Variants in CCDC8 observed in about 807,000 individuals in gnomAD.
The protein encoded by CCDC8 is coiled-coil domain-containing protein 8.
CCDC8 carries 6 observed loss-of-function variants against 5.2 expected under a neutral mutation model. That is an observed-to-expected ratio of 1.16 (90% CI 0.63 to 2.28). The LOEUF is 2.28. Among genes scored for constraint, CCDC8 ranks in the 30% most tolerant of loss-of-function variants. CCDC8 has a pLI of 0.00. For missense variants in CCDC8, 724 were observed against 712.2 expected, an observed-to-expected ratio of 1.02 and a Z score of -0.19; for synonymous variants, 310 against 286.5, an observed-to-expected ratio of 1.08 and a Z score of -0.83.
chr19:46,411,514 G>C lies in CCDC8; in HGVS notation c.1297C>G (p.Arg433Gly). The stretch of plus-strand genomic sequence containing the variant: ...GCAGCCTCTGCCCTCTGGCCAGCCC[G>C]GGCCTGTGCCCTCTGATTATCTGCA... ...QGADNQRAQA[R>G]AGQRAEAAHN... Residue 433 changes from arginine (R) to glycine (G), a missense_variant, in exon 1 of 1, where the codon CGG becomes GGG. Arg to Gly is a moderately radical substitution (Grantham distance 125). Transcript: ENST00000307522. 6.2e-7 allele frequency: 1 copy of C among 1,607,436 alleles called. No homozygotes were observed. Among genetic ancestry groups the C allele is most frequent in the Non-Finnish European group, 8.5e-7 (1 of 1,177,544 alleles).
Position 46,412,387 on chromosome 19 carries a change from T to C in CCDC8, c.424A>G (p.Ser142Gly), listed in dbSNP as rs1344020818. Residue 142 changes from serine to glycine, a missense_variant, in exon 1 of 1, where the codon AGC becomes GGC. Coordinates refer to ENST00000307522, the MANE Select transcript of CCDC8 (RefSeq NM_032040.5). This position sits in a 1 kb window ranked among gnomAD's most constrained non-coding sequence, Gnocchi z 4.7. ...VSYLGSKFLG[S>G]DLESEDDEEL... ...TCATCATCCTCACTCTCCAGGTCGC[T>C]TCCCAGGAACTTGCTGCCCAGGTAG... 3.7e-6 allele frequency: 6 copies of C among 1,613,738 alleles called. No individual in the cohort carries two copies. The highest frequency in any genetic ancestry group is 5.1e-6 in the Non-Finnish European group (6 of 1,179,986).
rs201648048 is a variant in CCDC8 at position 46,411,155 on chromosome 19, C to G, written c.*39G>C. ...AGGCAGAGCATCTCTCCCTCCCACACTTGGAGGGAGGGCCCGTGGGCTGTC... is the reference window on the plus strand; with the variant it reads ...AGGCAGAGCATCTCTCCCTCCCACAGTTGGAGGGAGGGCCCGTGGGCTGTC... On this transcript the variant is annotated 3_prime_UTR_variant, in exon 1 of 1. Coordinates refer to ENST00000307522, the MANE Select transcript of CCDC8 (RefSeq NM_032040.5). 1.2e-6 allele frequency: 2 copies of G among 1,610,854 alleles called. No homozygotes were observed. Among genetic ancestry groups the G allele is most frequent in the Non-Finnish European group, 1.7e-6 (2 of 1,178,152 alleles).
rs145184332 is a variant in CCDC8, at chr19:46,411,935, C to A, written c.876G>T (p.Glu292Asp). 2.8e-4 allele frequency: 449 copies of A among 1,611,342 alleles called. No individual in the cohort carries two copies. The African/African-American group carries it at 5.2e-3, about 19-fold the overall frequency. ...TAPTGQGADIEADQGGEAADS... is the reference protein window; with the variant it reads ...TAPTGQGADIDADQGGEAADS... ...CTGCAGCCTCTCCCCCCTGATCAGC[C>A]TCGATGTCTGCCCCCTGACCTGTGG... The change falls in exon 1 of 1, where the codon GAG becomes GAT. Residue 292 changes from glutamate (E) to aspartate (D), a missense_variant. Coordinates refer to ENST00000307522, the MANE Select transcript of CCDC8 (RefSeq NM_032040.5).
chr19:46,410,744 A>G lies in CCDC8; in HGVS notation c.*450T>C, dbSNP rs149533731. The G allele has an allele frequency of 5.3e-4, 83 of 155,462 alleles. No homozygotes were observed. In the East Asian group the frequency reaches 0.014, roughly 25 times the overall value. The allele number at this position is 155,462 out of a possible 1,614,324, so 9.6% of individuals were successfully genotyped here. On this transcript the variant is annotated 3_prime_UTR_variant, in exon 1 of 1. Transcript: ENST00000307522. ...TCCCCTGCCCTCCCTCTCTCCCTTTATCAAGCTGAGCACCTTGAGTTGCAT... is the reference window on the plus strand; with the variant it reads ...TCCCCTGCCCTCCCTCTCTCCCTTTGTCAAGCTGAGCACCTTGAGTTGCAT...
In CCDC8 at chr19:46,413,000, G is replaced by C. The variant is rs1395501325; in HGVS notation, c.-190C>G. 1 of 717,564 alleles carries C rather than the reference G, an allele frequency of 1.4e-6. No homozygotes were observed. Among genetic ancestry groups the C allele is most frequent in the East Asian group, 2.7e-5 (1 of 36,930 alleles). 44.4% of individuals were successfully genotyped at this position (717,564 alleles called of 1,614,324 possible). A position where few individuals can be genotyped will look rare whatever the true frequency, so the allele number is the denominator to read the frequency against. On this transcript the variant is annotated 5_prime_UTR_variant, in exon 1 of 1. Coordinates refer to ENST00000307522, the MANE Select transcript of CCDC8 (RefSeq NM_032040.5). This position sits in a 1 kb window ranked among gnomAD's most constrained non-coding sequence, Gnocchi z 4.7. Reference sequence around the variant, plus strand: ...ACCAGCCCCCCACGTGGCTTTTCTCGAGAGTCTTTAAGATCTCCAGGGTGA... The same window carrying C: ...ACCAGCCCCCCACGTGGCTTTTCTCCAGAGTCTTTAAGATCTCCAGGGTGA...
chr19:46,410,897 CTGT>C lies in CCDC8; in HGVS notation c.*294_*296del. 2.7e-6 allele frequency: 1 copy of C among 369,052 alleles called. No individual in the cohort carries two copies. Among genetic ancestry groups the C allele is most frequent in the Non-Finnish European group, 5.0e-6 (1 of 200,724 alleles). 22.9% of individuals were successfully genotyped at this position (369,052 alleles called of 1,614,324 possible). A position where few individuals can be genotyped will look rare whatever the true frequency, so the allele number is the denominator to read the frequency against. ...AGATGGTGTGTGTGGTGGCTCACAT[CTGT>C]AATCCCAGCATTTTGGGAGGCCGAG... On this transcript the variant is annotated 3_prime_UTR_variant, in exon 1 of 1. Coordinates refer to ENST00000307522, the MANE Select transcript of CCDC8 (RefSeq NM_032040.5).
At position 46,411,698 on chromosome 19, in the gene CCDC8, G is replaced by A; in HGVS notation, c.1113C>T (p.Ala371=). The change falls in exon 1 of 1, where the codon GCC becomes GCT. Residue 371 remains alanine, a synonymous_variant. Coordinates refer to ENST00000307522, the MANE Select transcript of CCDC8 (RefSeq NM_032040.5). ...TGCCCTGTGACCTCTGGTCAGCTGG[G>A]GCCTCTGCCCTCTGATTATCTGCAG... The part of the protein sequence containing the change: ...EEAADNQRAE[A]PADQRSQGTD... 5.7e-6 allele frequency: 9 copies of A among 1,586,464 alleles called. No individual in the cohort carries two copies. Among genetic ancestry groups the A allele is most frequent in the Non-Finnish European group, 7.7e-6 (9 of 1,163,160 alleles).
chr19:46,411,202 G>T lies in CCDC8; in HGVS notation c.1609C>A (p.Gln537Lys), dbSNP rs144181069. ...AEAEQGEQED[Q>K]L ...TGTCTCTAGCCCTCACCTCACAGCTGGTCTTCTTGCTCTCCCTGCTCAGCT... is the reference window on the plus strand; with the variant it reads ...TGTCTCTAGCCCTCACCTCACAGCTTGTCTTCTTGCTCTCCCTGCTCAGCT... The change falls in exon 1 of 1, where the codon CAG becomes AAG. Residue 537 changes from glutamine to lysine, a missense_variant. Physicochemically the swap from Gln to Lys is moderately conservative, Grantham distance 53. Transcript: ENST00000307522. 1.9e-6 allele frequency: 3 copies of T among 1,614,038 alleles called. No homozygotes were observed. The highest frequency in any genetic ancestry group is 1.7e-6 in the Non-Finnish European group (2 of 1,180,016).
At position 46,410,855 on chromosome 19, in the gene CCDC8, A is replaced by ATT. The variant is rs35842698; in HGVS notation, c.*337_*338dup. Reference sequence around the variant, plus strand: ...TTTTGGGTTGCTACAAGGAATCAGTATTTTTTTTTTTTAATCAGATGGTGT... The same window carrying ATT: ...TTTTGGGTTGCTACAAGGAATCAGTATTTTTTTTTTTTTTAATCAGATGGTGT... On this transcript the variant is annotated 3_prime_UTR_variant, in exon 1 of 1. Coordinates refer to ENST00000307522, the MANE Select transcript of CCDC8 (RefSeq NM_032040.5). 136 of 193,754 alleles carry ATT rather than the reference A, an allele frequency of 7.0e-4. No homozygotes were observed. The highest frequency in any genetic ancestry group is 2.1e-3 in the Middle Eastern group (1 of 482). 12.0% of individuals were successfully genotyped at this position (193,754 alleles called of 1,614,324 possible). A position where few individuals can be genotyped will look rare whatever the true frequency, so the allele number is the denominator to read the frequency against.
rs369474880 is a variant in CCDC8 at position 46,412,646 on chromosome 19, C to T, written c.165G>A (p.Val55=). 3.4e-5 allele frequency: 55 copies of T among 1,606,754 alleles called. No homozygotes were observed. In the Middle Eastern group the frequency reaches 4.9e-4, roughly 14 times the overall value. ...LEEEGRTLED[V]ARIMEKSTPH... ...GGGTGCTCTTCTCCATGATGCGGGCCACGTCCTCCAGGGTGCGGCCCTCTT... is the reference window on the plus strand; with the variant it reads ...GGGTGCTCTTCTCCATGATGCGGGCTACGTCCTCCAGGGTGCGGCCCTCTT... The change falls in exon 1 of 1, where the codon GTG becomes GTA. Residue 55 remains valine, a synonymous_variant. Transcript: ENST00000307522. This position sits in a 1 kb window ranked among gnomAD's most constrained non-coding sequence, Gnocchi z 4.7.
In CCDC8 at chr19:46,412,933, AAAG is replaced by A; in HGVS notation, c.-126_-124del. On this transcript the variant is annotated 5_prime_UTR_variant, in exon 1 of 1. Coordinates refer to ENST00000307522, the MANE Select transcript of CCDC8 (RefSeq NM_032040.5). The surrounding 1 kb of genome is among the most constrained non-coding windows in gnomAD (Gnocchi z 4.7). Reference sequence around the variant, plus strand: ...TCTTTGCAGACATCGGGGACGCTCCAAAGAATGAGGCAGTCGGGGGACGGCAGG... The same window carrying A: ...TCTTTGCAGACATCGGGGACGCTCCAAATGAGGCAGTCGGGGGACGGCAGG... 3 of 1,351,814 alleles carry A rather than the reference AAAG, an allele frequency of 2.2e-6. No homozygotes were observed. Among genetic ancestry groups the A allele is most frequent in the Non-Finnish European group, 3.1e-6 (3 of 967,710 alleles). The allele number at this position is 1,351,814 out of a possible 1,614,324, so 83.7% of individuals were successfully genotyped here. A position where few individuals can be genotyped will look rare whatever the true frequency, so the allele number is the denominator to read the frequency against.
At position 46,411,471 on chromosome 19, in the gene CCDC8, C is replaced by G. The variant is rs1266020341; in HGVS notation, c.1340G>C (p.Gly447Ala). The change falls in exon 1 of 1, where the codon GGG becomes GCG. Residue 447 changes from glycine to alanine, a missense_variant. Physicochemically the swap from Gly to Ala is moderately conservative, Grantham distance 60 (BLOSUM62 0). Transcript: ENST00000307522. Reference sequence around the variant, plus strand: ...TTCAGCTTCCTGGATACCTGGGGCCCCTGCCCTCTGATTATGTGCAGCCTC... The same window carrying G: ...TTCAGCTTCCTGGATACCTGGGGCCGCTGCCCTCTGATTATGTGCAGCCTC... The part of the protein sequence containing the change: ...RAEAAHNQRA[G>A]APGIQEAEVS... 13 of 1,614,046 alleles carry G rather than the reference C, an allele frequency of 8.1e-6. No homozygotes were observed. Among genetic ancestry groups the G allele is most frequent in the Non-Finnish European group, 1.1e-5 (13 of 1,180,020 alleles).
Position 46,412,955 on chromosome 19 carries a change from C to CG in CCDC8, c.-146dup. 1 of 1,112,090 alleles carries CG rather than the reference C, an allele frequency of 9.0e-7. No individual in the cohort carries two copies. Among genetic ancestry groups the CG allele is most frequent in the Non-Finnish European group, 1.3e-6 (1 of 755,080 alleles). The allele number at this position is 1,112,090 out of a possible 1,614,324, so 68.9% of individuals were successfully genotyped here. A position where few individuals can be genotyped will look rare whatever the true frequency, so the allele number is the denominator to read the frequency against. ...TCCAAAGAATGAGGCAGTCGGGGGA[C>CG]GGCAGGAAGCCCCAGGGGAACCAGC... On this transcript the variant is annotated 5_prime_UTR_variant, in exon 1 of 1. Transcript: ENST00000307522. The surrounding 1 kb of genome is among the most constrained non-coding windows in gnomAD (Gnocchi z 4.7).
At position 46,411,960 on chromosome 19, in the gene CCDC8, G is replaced by A. The variant is rs1183347116; in HGVS notation, c.851C>T (p.Pro284Leu). 1.8e-5 allele frequency: 29 copies of A among 1,610,116 alleles called. No individual in the cohort carries two copies. The highest frequency in any genetic ancestry group is 2.5e-5 in the Non-Finnish European group (29 of 1,179,560). ...CTCGATGTCTGCCCCCTGACCTGTG[G>A]GTGCTGTCTGCTCCTTCCTGCGGCG... ...FRRRRKEQTA[P>L]TGQGADIEAD... Residue 284 changes from proline (P) to leucine (L), a missense_variant, in exon 1 of 1, where the codon CCC (proline) becomes CTC (leucine). Transcript: ENST00000307522.
Position 46,412,568 on chromosome 19 carries a change from T to C in CCDC8, c.243A>G (p.Arg81=), listed in dbSNP as rs1894996890. 5.0e-6 allele frequency: 8 copies of C among 1,605,464 alleles called. No homozygotes were observed. The highest frequency in any genetic ancestry group is 5.9e-6 in the Non-Finnish European group (7 of 1,177,802). ...KKPKEPRVRR[R]VQQMVTPPPR... is the part of the protein sequence containing the mutation. ...GCGGAGGAGTCACCATCTGCTGCAC[T>C]CTCCTCCTCACTCGGGGCTCCTTGG... Residue 81 remains arginine (R), a synonymous_variant, in exon 1 of 1, where the codon AGA becomes AGG. Coordinates refer to ENST00000307522, the MANE Select transcript of CCDC8 (RefSeq NM_032040.5). The surrounding 1 kb of genome is among the most constrained non-coding windows in gnomAD (Gnocchi z 4.7).
chr19:46,412,163 C>A lies in CCDC8; in HGVS notation c.648G>T (p.Arg216Ser). The change falls in exon 1 of 1, where the codon AGG becomes AGT. Residue 216 changes from arginine (R) to serine (S), a missense_variant. Arg to Ser is a moderately radical substitution (Grantham distance 110). Transcript: ENST00000307522. The surrounding 1 kb of genome is among the most constrained non-coding windows in gnomAD (Gnocchi z 4.7). ...LKRRVKGWAP[R>S]AGPGVGEARL... ...GGGCCTCGCCCACCCCGGGGCCCGC[C>A]CTCGGCGCCCAACCCTTCACCCTCC... 1 of 1,598,270 alleles carries A rather than the reference C, an allele frequency of 6.3e-7. No individual in the cohort carries two copies. The highest frequency in any genetic ancestry group is 1.3e-5 in the African/African-American group (1 of 75,032).
rs1973253164 is a variant in CCDC8 at position 46,412,956 on chromosome 19, G to C, written c.-146C>G. The C allele has an allele frequency of 3.6e-6, 4 of 1,111,842 alleles. No individual in the cohort carries two copies. The highest frequency in any genetic ancestry group is 5.3e-6 in the Non-Finnish European group (4 of 754,692). The allele number at this position is 1,111,842 out of a possible 1,614,324, so 68.9% of individuals were successfully genotyped here. Reference sequence around the variant, plus strand: ...CCAAAGAATGAGGCAGTCGGGGGACGGCAGGAAGCCCCAGGGGAACCAGCC... The same window carrying C: ...CCAAAGAATGAGGCAGTCGGGGGACCGCAGGAAGCCCCAGGGGAACCAGCC... On this transcript the variant is annotated 5_prime_UTR_variant, in exon 1 of 1. Coordinates refer to ENST00000307522, the MANE Select transcript of CCDC8 (RefSeq NM_032040.5). This position sits in a 1 kb window ranked among gnomAD's most constrained non-coding sequence, Gnocchi z 4.7.
Position 46,411,638 on chromosome 19 carries a change from C to A in CCDC8, c.1173G>T (p.Gln391His). 6.4e-7 allele frequency: 1 copy of A among 1,574,464 alleles called. No homozygotes were observed. The highest frequency in any genetic ancestry group is 8.6e-7 in the Non-Finnish European group (1 of 1,156,866). Residue 391 changes from glutamine (Q) to histidine (H), a missense_variant, in exon 1 of 1, where the codon CAG (glutamine) becomes CAT (histidine). Transcript: ENST00000307522. ...CCTGGTCAGCTGGGGCCTCCGCCCT[C>A]TGATTATCTGCAGCCTCTTCCCTGT... ...DNHREEAADN[Q>H]RAEAPADQGS...
chr19:46,412,590 T>C lies in CCDC8; in HGVS notation c.221A>G (p.Lys74Arg), dbSNP rs376493049. 1.0e-5 allele frequency: 16 copies of C among 1,603,822 alleles called. No homozygotes were observed. The highest frequency in any genetic ancestry group is 1.4e-5 in the Non-Finnish European group (16 of 1,176,260). Residue 74 changes from lysine (K) to arginine (R), a missense_variant, in exon 1 of 1, where the codon AAG becomes AGG. Physicochemically the swap from Lys to Arg is conservative, Grantham distance 26. Transcript: ENST00000307522. This position sits in a 1 kb window ranked among gnomAD's most constrained non-coding sequence, Gnocchi z 4.7. ...PHPPQPPKKP[K>R]EPRVRRRVQQ... ...CACTCTCCTCCTCACTCGGGGCTCC[T>C]TGGGCTTTTTGGGGGGCTGGGGCGG... is the stretch of plus-strand genomic sequence containing the variant.
Sources: allele counts gnomAD v4.1 joint callset, GRCh38; gene constraint gnomAD v4.1.1; non-coding constraint Gnocchi (gnomAD v3.1); transcripts MANE v1.5; gene names NCBI Gene and HGNC (gene_info 2026-07-23, HGNC 2026-07-21).